The following SMAP1 variants were observed in gnomAD, a reference collection of about 807,000 sequenced individuals.
The protein encoded by SMAP1 is stromal membrane-associated protein 1.
In SMAP1, 24 loss-of-function variants were observed where a neutral mutation model predicts 58.5. That is an observed-to-expected ratio of 0.41 (90% CI 0.30 to 0.58). The LOEUF (loss-of-function observed/expected upper bound fraction) is 0.58, where lower values mean the gene tolerates loss of function less well. Ranked by LOEUF, SMAP1 falls within the 20% of genes least tolerant of loss-of-function variation. SMAP1 has a pLI of 0.29. For missense variants in SMAP1, 563 were observed against 566.3 expected, an observed-to-expected ratio of 0.99 and a Z score of 0.06; for synonymous variants, 216 against 196.6, an observed-to-expected ratio of 1.10 and a Z score of -0.82.
intron 7 of SMAP1, among the ~76,000 whole-genome samples, chr6:70,849,549 C>A (rs1327087738): frequency 3.3e-5 from 5 of 152,088 alleles, no homozygotes; most frequent in African/African-American, 1.2e-4. Context: ...GAGGAATGTT[C>A]TGCTTTTATG....
chr6:70,787,369 C>T (rs907310897), intron 4 of SMAP1, among the ~76,000 whole-genome samples: 2 of 152,220 alleles, frequency 1.3e-5, no homozygotes, highest in South Asian at 2.1e-4. Context: ...TAGGCAATAC[C>T]ATTCAGGACA....
chr6:70,745,341 A>G (rs1379844725), intron 2 of SMAP1, among the ~76,000 whole-genome samples: 4 of 152,134 alleles, frequency 2.6e-5, no homozygotes, highest in South Asian at 2.1e-4. Flanking sequence ...ATCTTGAATT[A>G]ATTTTTGTAT....
intron 2 of SMAP1, among the ~76,000 whole-genome samples, chr6:70,736,615 T>A (rs1765628457): frequency 6.6e-6 from 1 of 152,240 alleles, no homozygotes; most frequent in Non-Finnish European, 1.5e-5. Flanking sequence ...TTTATTCTAC[T>A]TGCAGCTTGA....
chr6:70,756,170 T>C lies in SMAP1; in HGVS notation c.338+1105T>C, dbSNP rs148233243. Among the ~76,000 whole-genome samples the C allele has an allele frequency of 3.9e-3, 600 of 152,252 alleles. 3 individuals are homozygous for C. Among genetic ancestry groups the C allele is most frequent in the African/African-American group, 0.014 (583 of 41,566 alleles). On this transcript the variant is annotated intron_variant, in intron 3 of 10. Transcript: ENST00000370455. ...TTTATAAATAAGATTATCTGATTAATTGTAGGTACGTGGATTCTGTTTGAA... is the reference window on the plus strand; with the variant it reads ...TTTATAAATAAGATTATCTGATTAACTGTAGGTACGTGGATTCTGTTTGAA...
At chr6:70,743,697 C>T (rs1765904921) in intron 2 of SMAP1, among the ~76,000 whole-genome samples, 2 of 152,128 alleles carry the variant, frequency 1.3e-5, no homozygotes, top group Non-Finnish European at 2.9e-5. Context: ...ATTAGGGCCT[C>T]AGGTATATGC....
chr6:70,703,451 C>T (rs999331853), intron 1 of SMAP1, among the ~76,000 whole-genome samples: 1 of 152,092 alleles, frequency 6.6e-6, no homozygotes, highest in African/African-American at 2.4e-5. Context: ...ATATTTTTGA[C>T]CTTTTTTCTT....
intron 4 of SMAP1, among the ~76,000 whole-genome samples, chr6:70,790,265 C>G (rs1342631057): frequency 6.6e-6 from 1 of 152,120 alleles, no homozygotes; most frequent in African/African-American, 2.4e-5. Context: ...CTCAGCCTTC[C>G]AAGTAGCTGG....
intron 1 of SMAP1, among the ~76,000 whole-genome samples, chr6:70,683,983 C>G (rs1480804811): frequency 6.6e-6 from 1 of 152,296 alleles, no homozygotes; most frequent in East Asian, 1.9e-4. Context: ...TCTTTTCATT[C>G]TCTTTAAATT....
intron 6 of SMAP1, among the ~76,000 whole-genome samples, chr6:70,808,809 C>G (rs552827214): frequency 6.6e-6 from 1 of 151,726 alleles, no homozygotes; most frequent in African/African-American, 2.4e-5. Context: ...TTAGTTACTG[C>G]TCTCTTTAAT....
rs143308347 is a variant in SMAP1 at position 70,700,122 on chromosome 6, T to C, written c.118+31981T>C. 2.0e-3 allele frequency among the ~76,000 whole-genome samples: 311 copies of C among 152,128 alleles called. 1 individual carries two copies. The highest frequency in any genetic ancestry group is 6.1e-3 in the African/African-American group (253 of 41,512). Reference sequence around the variant, plus strand: ...TCTTGAGATAGTGAGTGAGTTCTCATGAGATATGATTATTTAAAAGTGTGT... The same window carrying C: ...TCTTGAGATAGTGAGTGAGTTCTCACGAGATATGATTATTTAAAAGTGTGT... On this transcript the variant is annotated intron_variant, in intron 1 of 10. Coordinates refer to ENST00000370455, the MANE Select transcript of SMAP1 (RefSeq NM_001044305.3).
chr6:70,853,117 C>T (rs148343168), intron 8 of SMAP1, among the ~76,000 whole-genome samples: 2 of 151,994 alleles, frequency 1.3e-5, no homozygotes, highest in Non-Finnish European at 2.9e-5. Flanking sequence ...TGCAGAAGTT[C>T]TAGCAAATTT....
At chr6:70,697,572 C>T (rs1244609792) in intron 1 of SMAP1, among the ~76,000 whole-genome samples, 1 of 152,172 alleles carries the variant, frequency 6.6e-6, no homozygotes, top group Non-Finnish European at 1.5e-5. Context: ...TCCCCAAGTG[C>T]TGGGATTACA....
At chr6:70,676,279 C>G (rs1289510755) in intron 1 of SMAP1, among the ~76,000 whole-genome samples, 1 of 152,134 alleles carries the variant, frequency 6.6e-6, no homozygotes, top group Non-Finnish European at 1.5e-5. Context: ...TTGGGGAACT[C>G]AAAGCATAAT....
intron 3 of SMAP1, among the ~76,000 whole-genome samples, chr6:70,769,269 G>A (rs916402069): frequency 5.9e-5 from 9 of 152,122 alleles, no homozygotes; most frequent in South Asian, 4.1e-4. Context: ...TATTAAGTCC[G>A]CTTGGTGCAG....
chr6:70,773,078 T>C, intron 3 of SMAP1: 1 of 327,244 alleles, frequency 3.1e-6, no homozygotes, highest in South Asian at 3.7e-5. Context: ...GTGGTGGTGG[T>C]GATGTAGGAA....
intron 1 of SMAP1, among the ~76,000 whole-genome samples, chr6:70,730,271 G>T (rs1366059791): frequency 6.6e-6 from 1 of 150,840 alleles, no homozygotes; most frequent in Non-Finnish European, 1.5e-5. Context: ...ACCCAGGCTG[G>T]TCTCAAAACT....
intron 7 of SMAP1, among the ~76,000 whole-genome samples, chr6:70,846,463 C>G (rs1422316107): frequency 6.6e-6 from 1 of 152,150 alleles, no homozygotes; most frequent in Non-Finnish European, 1.5e-5. Flanking sequence ...TGGGGCATGC[C>G]TGTTCAGCCT....
chr6:70,860,176 C>A, intron 10 of SMAP1, 24 bp from the exon 11 acceptor site: 1 of 1,586,116 alleles, frequency 6.3e-7, no homozygotes, highest in South Asian at 1.2e-5. Flanking sequence ...GCCTCTTGAA[C>A]TAAGCCTTTT....
At position 70,860,067 on chromosome 6, in the gene SMAP1, T is replaced by C. The variant is rs1771642293; in HGVS notation, c.1270-133T>C. ...CTATTTGCTTTAAGAAATATTTGTA[T>C]GGTACTCTGTTTTTATTCCAGTGCT... On this transcript the variant is annotated intron_variant, in intron 10 of 10. Transcript: ENST00000370455. The C allele has an allele frequency of 5.1e-6, 5 of 975,436 alleles. No homozygotes were observed. In the South Asian group the frequency reaches 8.9e-5, roughly 17 times the overall value. The allele number at this position is 975,436 out of a possible 1,614,324, so 60.4% of individuals were successfully genotyped here. A position where few individuals can be genotyped will look rare whatever the true frequency, so the allele number is the denominator to read the frequency against.
Sources: gnomAD v4.1 joint callset for allele counts (sites outside exome capture counted in the v4.1 genomes callset) on GRCh38, gnomAD v4.1.1 for gene constraint, MANE v1.5 for transcripts, NCBI Gene and HGNC (gene_info 2026-07-23, HGNC 2026-07-21) for gene names.